The following ZNF610 variants were observed in gnomAD, a reference collection of about 807,000 sequenced individuals.
ZNF610 encodes zinc finger protein 610, also known as zink finger protein.
ZNF610 carries 14 observed loss-of-function variants against 14.1 expected under a neutral mutation model. That is an observed-to-expected ratio of 0.99 (90% CI 0.65 to 1.55). The LOEUF (loss-of-function observed/expected upper bound fraction) is 1.55. Among genes scored for constraint, ZNF610 ranks in the 40% most tolerant of loss-of-function variants. The pLI, the probability that ZNF610 is intolerant of heterozygous loss-of-function variation, is 0.00. For missense variants in ZNF610, 530 were observed against 558.0 expected (o/e 0.95, Z 0.51); for synonymous variants, 185 against 187.6 (o/e 0.99, Z 0.11).
chr19:52,345,178 G>A (rs564631598), intron 1 of ZNF610: 3 of 152,218 alleles, frequency 2.0e-5, no homozygotes, highest in South Asian at 2.1e-4. Flanking sequence ...TTACTTCCAC[G>A]ACCCCTGAGG....
At chr19:52,349,341 C>A in intron 3 of ZNF610, 106 bp downstream of exon 3, 3 of 1,367,216 alleles carry the variant, frequency 2.2e-6, no homozygotes, top group South Asian at 2.4e-5. Flanking sequence ...TCCCTCAGTC[C>A]CTTTCATCTC....
chr19:52,352,611 C>A (rs996331191), intron 3 of ZNF610, among the ~76,000 whole-genome samples: 1 of 152,148 alleles, frequency 6.6e-6, no homozygotes, highest in Non-Finnish European at 1.5e-5. Context: ...ACAATCCTGT[C>A]ATTCGTTAGT....
In ZNF610 at chr19:52,354,360, T is replaced by C. The variant is rs1985416545; in HGVS notation, c.300T>C (p.Cys100=). The C allele has an allele frequency of 6.2e-7, 1 of 1,614,010 alleles. No individual in the cohort carries two copies. Among genetic ancestry groups the C allele is most frequent in the African/African-American group, 1.3e-5 (1 of 74,916 alleles). The part of the protein sequence containing the change: ...KIVKNTDGRE[C]VRSVNTGRSC... ...TAAAAAATACAGATGGAAGGGAATG[T>C]GTCAGAAGCGTGAACACAGGTAAGA... Residue 100 remains cysteine, a synonymous_variant, in exon 5 of 6, where the codon TGT becomes TGC. Transcript: ENST00000403906.
chr19:52,365,896 C>T lies in ZNF610; in HGVS notation c.518C>T (p.Thr173Ile), dbSNP rs1986003328. 2 of 1,612,912 alleles carry T rather than the reference C, an allele frequency of 1.2e-6. No homozygotes were observed. Among genetic ancestry groups the T allele is most frequent in the Non-Finnish European group, 1.7e-6 (2 of 1,179,644 alleles). The change falls in exon 6 of 6, where the codon ACA (threonine) becomes ATA (isoleucine). Residue 173 changes from threonine to isoleucine, a missense_variant. By Grantham distance (89) the Thr-to-Ile change is moderately conservative. Transcript: ENST00000403906. ...CAAAAAATTTCTTCTAGTTTCACAA[C>T]ACACATTTTTAATAAATATAGAAAT... ...PLQKISSSFT[T>I]HIFNKYRNDL...
chr19:52,340,469 C>A (rs1984633146), intron 1 of ZNF610, among the ~76,000 whole-genome samples: 1 of 151,902 alleles, frequency 6.6e-6, no homozygotes, highest in South Asian at 2.1e-4. Flanking sequence ...ATCTTTTTTC[C>A]TTACCTCAAA....
chr19:52,359,048 A>G (rs1408272490), intron 5 of ZNF610, among the ~76,000 whole-genome samples: 1 of 152,232 alleles, frequency 6.6e-6, no homozygotes, highest in Admixed American at 6.5e-5. Context: ...TGATGAAGGT[A>G]GCTTAGTAAT....
At chr19:52,345,623 G>A (rs545396035) in intron 1 of ZNF610, 2 of 152,254 alleles carry the variant, frequency 1.3e-5, no homozygotes, top group East Asian at 3.9e-4. Flanking sequence ...GCAGAAACTT[G>A]TACAGACCTC....
Position 52,344,350 on chromosome 19 carries a change from G to C in ZNF610, c.-257-3357G>C, listed in dbSNP as rs1426352353. Among the ~76,000 whole-genome samples the C allele has an allele frequency of 2.0e-5, 3 of 151,824 alleles. 1 individual carries two copies. Among genetic ancestry groups the C allele is most frequent in the African/African-American group, 7.3e-5 (3 of 41,318 alleles). ...CCATAGCCCCCGATTTAACACTCCA[G>C]CCTGACCCCACCCCAACTCTCCTCC... On this transcript the variant is annotated intron_variant, in intron 1 of 5. Coordinates refer to ENST00000403906, the MANE Select transcript of ZNF610 (RefSeq NM_001161425.2).
intron 5 of ZNF610, among the ~76,000 whole-genome samples, chr19:52,357,384 G>A (rs928948939): frequency 6.6e-6 from 1 of 152,124 alleles, no homozygotes; most frequent in African/African-American, 2.4e-5. Context: ...AGTGGCTCAC[G>A]CCTGTAATCC....
At chr19:52,344,430 C>T (rs757716663) in intron 1 of ZNF610, among the ~76,000 whole-genome samples, 1 of 152,266 alleles carries the variant, frequency 6.6e-6, no homozygotes, top group South Asian at 2.1e-4. Flanking sequence ...TGTCTGGATC[C>T]TGGTGACAGC....
At chr19:52,345,522 A>G (rs751861457) in intron 1 of ZNF610, 1 of 151,956 alleles carries the variant, frequency 6.6e-6, no homozygotes, top group Non-Finnish European at 1.5e-5. Flanking sequence ...TGGAACTGAT[A>G]TGAGAACACA....
chr19:52,361,954 T>C (rs1374386666), intron 5 of ZNF610, among the ~76,000 whole-genome samples: 1 of 152,170 alleles, frequency 6.6e-6, no homozygotes, highest in Non-Finnish European at 1.5e-5. Context: ...GAGGTCTCAC[T>C]CTGTCTCCCA....
intron 5 of ZNF610, among the ~76,000 whole-genome samples, chr19:52,354,754 T>G (rs1985448017): frequency 6.6e-6 from 1 of 151,584 alleles, no homozygotes; most frequent in Non-Finnish European, 1.5e-5. Flanking sequence ...AATTTTTGTG[T>G]TTTTAGTAGA....
chr19:52,358,051 A>G (rs2122260726), intron 5 of ZNF610, among the ~76,000 whole-genome samples: 2 of 152,246 alleles, frequency 1.3e-5, no homozygotes, highest in South Asian at 4.1e-4. Context: ...ATGAAGTTAC[A>G]TGATATAACT....
At chr19:52,337,589 AAGC>A (rs200115063) in intron 1 of ZNF610, among the ~76,000 whole-genome samples, 3,840 of 152,194 alleles carry the variant, frequency 0.025, 86 homozygotes, top group East Asian at 0.048. Context: ...AAGTGAAAAA[AAGC>A]AGGAGAAAGA....
At position 52,356,196 on chromosome 19, in the gene ZNF610, C is replaced by T. The variant is rs991908990; in HGVS notation, c.319+1817C>T. Among the ~76,000 whole-genome samples, 7 of 152,206 alleles carry T rather than the reference C, an allele frequency of 4.6e-5. No individual in the cohort carries two copies. In the East Asian group the frequency reaches 7.7e-4, roughly 17 times the overall value. ...TATTCCACAAGGCCCCTCAGCCATT[C>T]TTCAGTTGTGCTTCATCCACACTTT... is the stretch of plus-strand genomic sequence containing the variant. On this transcript the variant is annotated intron_variant, in intron 5 of 5. Transcript: ENST00000403906.
intron 2 of ZNF610, 104 bp downstream of exon 2, chr19:52,348,048 T>G (rs1197568551): frequency 6.6e-6 from 1 of 152,210 alleles, no homozygotes; most frequent in Non-Finnish European, 1.5e-5. Context: ...TACATACCAT[T>G]GTGTCACAGT....
At chr19:52,342,581 G>A (rs1000617554) in intron 1 of ZNF610, among the ~76,000 whole-genome samples, 5 of 149,634 alleles carry the variant, frequency 3.3e-5, no homozygotes, top group African/African-American at 9.9e-5. Context: ...GTGTAGTGGC[G>A]CAATCTCGGC....
At chr19:52,353,548 G>A in intron 3 of ZNF610, 134 bp from the exon 4 acceptor site, 1 of 938,290 alleles carries the variant, frequency 1.1e-6, no homozygotes, top group East Asian at 2.9e-5. Context: ...ATTTACTAGA[G>A]ATTGGAATTG....
Sources: gnomAD v4.1 joint callset for allele counts (sites outside exome capture counted in the v4.1 genomes callset) on GRCh38, gnomAD v4.1.1 for gene constraint, MANE v1.5 for transcripts, NCBI Gene and HGNC (gene_info 2026-07-23, HGNC 2026-07-21) for gene names.